Variants in FMN2 observed in about 807,000 individuals in gnomAD.
FMN2 encodes formin 2, also known as formin-2.
In FMN2, 51 loss-of-function variants were observed where a neutral mutation model predicts 142.3. The ratio of observed to expected loss-of-function variants is 0.36; its 90% CI spans 0.29 to 0.45. The LOEUF (loss-of-function observed/expected upper bound fraction) is 0.45. FMN2 is among the 20% of genes least tolerant of loss of function. The pLI, the probability that FMN2 is intolerant of heterozygous loss-of-function variation, is 1.00. For synonymous variants in FMN2, 882 were observed against 869.8 expected, an observed-to-expected ratio of 1.01 and a Z score of -0.25; for missense variants, 1,936 against 2,122.8, an observed-to-expected ratio of 0.91 and a Z score of 1.73.
intron 6 of FMN2, among the ~76,000 whole-genome samples, chr1:240,243,686 G>A (rs569027680): frequency 6.6e-6 from 1 of 152,156 alleles, no homozygotes; most frequent in African/African-American, 2.4e-5. Flanking sequence ...ATTGCATATG[G>A]ATTATTAACT....
intron 5 of FMN2, among the ~76,000 whole-genome samples, chr1:240,210,392 A>G (rs1370395218): frequency 6.6e-6 from 1 of 152,124 alleles, no homozygotes; most frequent in Non-Finnish European, 1.5e-5. Flanking sequence ...CATTTCTTAT[A>G]TGGATTTTTC....
chr1:240,457,985 C>T (rs973983617), intron 16 of FMN2: 2 of 152,394 alleles, frequency 1.3e-5, no homozygotes, highest in Non-Finnish European at 1.5e-5. Flanking sequence ...GAGTGACATC[C>T]GCAAGAGTAG....
intron 6 of FMN2, among the ~76,000 whole-genome samples, chr1:240,241,658 TTACTC>T (rs1388939203): frequency 6.6e-6 from 1 of 152,126 alleles, no homozygotes; most frequent in African/African-American, 2.4e-5. Flanking sequence ...GGACATTTAA[TTACTC>T]TATTCAACTT....
intron 16 of FMN2, among the ~76,000 whole-genome samples, chr1:240,456,674 G>A (rs942946686): frequency 6.6e-6 from 1 of 152,044 alleles, no homozygotes; most frequent in African/African-American, 2.4e-5. Context: ...CAGACTGGTC[G>A]CGAACTCCCG....
chr1:240,433,984 A>G (rs1054725509), intron 15 of FMN2, among the ~76,000 whole-genome samples: 3 of 152,212 alleles, frequency 2.0e-5, no homozygotes, highest in African/African-American at 4.8e-5. Context: ...ATCATTTTAG[A>G]GCTCTGCAGG....
At chr1:240,158,623 C>T (rs1664134005) in intron 2 of FMN2, among the ~76,000 whole-genome samples, 1 of 152,044 alleles carries the variant, frequency 6.6e-6, no homozygotes, top group African/African-American at 2.4e-5. Flanking sequence ...TGAATTTGAT[C>T]CATCTCCCAA....
intron 2 of FMN2, among the ~76,000 whole-genome samples, chr1:240,134,325 GAA>G (rs1196985778): frequency 6.6e-6 from 1 of 151,982 alleles, no homozygotes; most frequent in African/African-American, 2.4e-5. Flanking sequence ...TGATAATCTT[GAA>G]AACACTTGGA....
At chr1:240,196,764 C>T (rs1026971431) in intron 4 of FMN2, among the ~76,000 whole-genome samples, 1 of 152,116 alleles carries the variant, frequency 6.6e-6, no homozygotes, top group Non-Finnish European at 1.5e-5. Flanking sequence ...CCGCCGGCCT[C>T]GACCTCCCAA....
intron 2 of FMN2, among the ~76,000 whole-genome samples, chr1:240,140,144 C>T (rs1663119930): frequency 6.6e-6 from 1 of 152,082 alleles, no homozygotes; most frequent in Non-Finnish European, 1.5e-5. Flanking sequence ...GAATGATTTG[C>T]TAATCATGGT....
intron 8 of FMN2, among the ~76,000 whole-genome samples, chr1:240,301,032 G>A (rs964527420): frequency 6.6e-6 from 1 of 151,288 alleles, no homozygotes; most frequent in African/African-American, 2.4e-5. Context: ...CTTTCTTGGA[G>A]CATTTAGATT....
At chr1:240,226,929 TTC>T (rs1320754227) in intron 6 of FMN2, among the ~76,000 whole-genome samples, 1 of 152,128 alleles carries the variant, frequency 6.6e-6, no homozygotes, top group East Asian at 1.9e-4. Context: ...CTGGATGTTT[TTC>T]AGGAAAAAGA....
intron 15 of FMN2, among the ~76,000 whole-genome samples, chr1:240,394,624 C>A (rs917445637): frequency 6.6e-6 from 1 of 152,132 alleles, no homozygotes; most frequent in Non-Finnish European, 1.5e-5. Flanking sequence ...GAAGAAGATG[C>A]CATCTAGGAT....
chr1:240,304,692 A>T (rs1670318172), intron 8 of FMN2, among the ~76,000 whole-genome samples: 1 of 152,208 alleles, frequency 6.6e-6, no homozygotes, highest in Admixed American at 6.5e-5. Flanking sequence ...CACCTGAGTG[A>T]TCAGAAGCAG....
chr1:240,170,198 C>T (rs1344641828), intron 2 of FMN2: 12 of 1,224,768 alleles, frequency 9.8e-6, no homozygotes, highest in South Asian at 1.3e-5. Context: ...AAGTGCAAGG[C>T]TGCAGTTGCC....
At chr1:240,313,501 C>T (rs908107351) in intron 8 of FMN2, among the ~76,000 whole-genome samples, 3 of 152,096 alleles carry the variant, frequency 2.0e-5, no homozygotes, top group African/African-American at 7.2e-5. Context: ...ACCTTGAATA[C>T]AATATCTAAC....
intron 7 of FMN2, among the ~76,000 whole-genome samples, chr1:240,282,475 T>A (rs1669432270): frequency 6.6e-6 from 1 of 152,228 alleles, no homozygotes; most frequent in South Asian, 2.1e-4. Context: ...CGCCACTATT[T>A]AAATTTGGGA....
At chr1:240,187,175 C>A (rs527313747) in intron 3 of FMN2, among the ~76,000 whole-genome samples, 1 of 142,690 alleles carries the variant, frequency 7.0e-6, no homozygotes, top group South Asian at 2.2e-4. Flanking sequence ...GAGGCTGAGG[C>A]AGGAGAATCG....
At chr1:240,144,911 C>G in intron 2 of FMN2, 1 of 1,354,756 alleles carries the variant, frequency 7.4e-7, no homozygotes, top group South Asian at 1.2e-5. Context: ...ATACTCATGA[C>G]TCCATGATGC....
intron 6 of FMN2, among the ~76,000 whole-genome samples, chr1:240,245,951 C>T (rs560058289): frequency 2.9e-4 from 44 of 151,262 alleles, no homozygotes; most frequent in African/African-American, 7.8e-4. Flanking sequence ...GAGGCCGTGG[C>T]GGGCGGATCA....
Sources: gnomAD v4.1 joint callset for allele counts (sites outside exome capture counted in the v4.1 genomes callset) on GRCh38, gnomAD v4.1.1 for gene constraint, MANE v1.5 for transcripts, NCBI Gene and HGNC (gene_info 2026-07-23, HGNC 2026-07-21) for gene names.